PLCL1: variants seen among roughly 807,000 people sequenced by gnomAD.
The protein encoded by PLCL1 is inactive phospholipase C-like protein 1.
Under a neutral mutation model 84.4 loss-of-function variants are expected in PLCL1, and 41 were observed. That is an observed-to-expected ratio of 0.49 (90% CI 0.38 to 0.63). PLCL1 has a LOEUF of 0.63. Among genes scored for constraint, PLCL1 ranks in the 30% least tolerant of loss-of-function variants. The pLI, the probability that PLCL1 is intolerant of heterozygous loss-of-function variation, is 0.00. For missense variants in PLCL1, 1,206 were observed against 1,367.8 expected, an observed-to-expected ratio of 0.88 and a Z score of 1.87; for synonymous variants, 490 against 488.3, an observed-to-expected ratio of 1.00 and a Z score of -0.05.
At position 197,924,186 on chromosome 2, in the gene PLCL1, G is replaced by T. The variant is rs1307091489; in HGVS notation, c.240+118847G>T. 2.7e-5 allele frequency among the ~76,000 whole-genome samples: 4 copies of T among 146,034 alleles called. No individual in the cohort carries two copies. The South Asian group carries it at 8.7e-4, about 32-fold the overall frequency. ...GGGAGAGGGAGAGGGAGAGGGAGAG[G>T]CCCCCTTACATTTTTGCACGCAAGG... On this transcript the variant is annotated intron_variant, in intron 1 of 5. Coordinates refer to ENST00000428675, the MANE Select transcript of PLCL1 (RefSeq NM_006226.4).
intron 1 of PLCL1, among the ~76,000 whole-genome samples, chr2:197,925,654 G>A (rs184837702): frequency 2.6e-4 from 40 of 152,236 alleles, no homozygotes; most frequent in Middle Eastern, 3.4e-3. Flanking sequence ...ATTTACAAAA[G>A]CCTGAGGACA....
chr2:197,934,059 CA>C (rs1559049590), intron 1 of PLCL1, among the ~76,000 whole-genome samples: 1 of 152,124 alleles, frequency 6.6e-6, no homozygotes, highest in Non-Finnish European at 1.5e-5. Flanking sequence ...GCATCTCATC[CA>C]ATTAGAGTTT....
chr2:197,962,391 T>G (rs148759598), intron 1 of PLCL1, among the ~76,000 whole-genome samples: 60 of 152,236 alleles, frequency 3.9e-4, no homozygotes, highest in African/African-American at 1.4e-3. Context: ...CAACTCAGAG[T>G]TCTTCTGGAT....
intron 5 of PLCL1, among the ~76,000 whole-genome samples, chr2:198,133,293 G>A (rs1472049276): frequency 3.4e-5 from 5 of 147,106 alleles, no homozygotes; most frequent in African/African-American, 5.0e-5. Context: ...ACCAAACACC[G>A]CATATTCTCA....
At chr2:198,029,304 A>C (rs1226488376) in intron 1 of PLCL1, among the ~76,000 whole-genome samples, 2 of 152,194 alleles carry the variant, frequency 1.3e-5, no homozygotes, top group East Asian at 1.9e-4. Context: ...TGTTTGTTTT[A>C]TCAAACTTAG....
chr2:197,864,683 C>T (rs765181710), intron 1 of PLCL1, among the ~76,000 whole-genome samples: 3 of 151,832 alleles, frequency 2.0e-5, no homozygotes, highest in African/African-American at 4.8e-5. Flanking sequence ...CATGTTGCCC[C>T]GGCTGGCCTT....
intron 1 of PLCL1, among the ~76,000 whole-genome samples, chr2:197,868,185 G>C (rs1181058865): frequency 3.3e-5 from 5 of 152,120 alleles, no homozygotes; most frequent in African/African-American, 1.2e-4. Context: ...GCATATGCTT[G>C]CTTATGAATA....
At position 197,838,814 on chromosome 2, in the gene PLCL1, C is replaced by T. The variant is rs548390916; in HGVS notation, c.240+33475C>T. Among the ~76,000 whole-genome samples the T allele has an allele frequency of 4.6e-5, 7 of 152,312 alleles. No homozygotes were observed. The South Asian group carries it at 1.5e-3, about 32-fold the overall frequency. On this transcript the variant is annotated intron_variant, in intron 1 of 5. Coordinates refer to ENST00000428675, the MANE Select transcript of PLCL1 (RefSeq NM_006226.4). The stretch of plus-strand genomic sequence containing the variant: ...GTCAAGCCCATGAGCCAGAGCTGGT[C>T]ACCATCCTGACCCACAGTAGAATCA...
chr2:197,827,403 T>G (rs1371335720), intron 1 of PLCL1, among the ~76,000 whole-genome samples: 1 of 152,134 alleles, frequency 6.6e-6, no homozygotes, highest in African/African-American at 2.4e-5. Flanking sequence ...CATAGTGCCC[T>G]GCTCATAGTT....
chr2:197,805,111 C>A lies in PLCL1; in HGVS notation c.12C>A (p.Gly4=). Residue 4 remains glycine, a synonymous_variant, in exon 1 of 6, where the codon GGC becomes GGA. Coordinates refer to ENST00000428675, the MANE Select transcript of PLCL1 (RefSeq NM_006226.4). This position sits in a 1 kb window ranked among gnomAD's most constrained non-coding sequence, Gnocchi z 4.0. ...AAACGCTCCAGGCCATGGCCGAGGG[C>A]GCGGCCGGCAGGGAGGATCCGGCGC... The part of the protein sequence containing the change: MAE[G]AAGREDPAPP... 5 of 1,334,274 alleles carry A rather than the reference C, an allele frequency of 3.7e-6. No homozygotes were observed. The highest frequency in any genetic ancestry group is 3.8e-6 in the Non-Finnish European group (4 of 1,047,316). 82.7% of individuals were successfully genotyped at this position (1,334,274 alleles called of 1,614,324 possible).
chr2:197,919,258 A>G (rs1688660731), intron 1 of PLCL1, among the ~76,000 whole-genome samples: 1 of 152,184 alleles, frequency 6.6e-6, no homozygotes, highest in Non-Finnish European at 1.5e-5. Context: ...ATTGTTTTGT[A>G]TTGCAATCGG....
chr2:197,827,177 A>G (rs917356349), intron 1 of PLCL1, among the ~76,000 whole-genome samples: 3 of 152,144 alleles, frequency 2.0e-5, no homozygotes, highest in African/African-American at 7.2e-5. Flanking sequence ...ATCCAACTGC[A>G]TCATTTTCTT....
chr2:198,071,291 G>A (rs960961177), intron 1 of PLCL1, among the ~76,000 whole-genome samples: 3 of 151,876 alleles, frequency 2.0e-5, no homozygotes, highest in African/African-American at 7.2e-5. Context: ...CAGCAGCATG[G>A]CAGTGAACCA....
chr2:197,841,771 G>A (rs1687007863), intron 1 of PLCL1, among the ~76,000 whole-genome samples: 1 of 152,178 alleles, frequency 6.6e-6, no homozygotes, highest in African/African-American at 2.4e-5. Flanking sequence ...GACATGTTTA[G>A]TTTTGTAAGA....
At chr2:197,877,108 A>T (rs934174069) in intron 1 of PLCL1, among the ~76,000 whole-genome samples, 1 of 152,300 alleles carries the variant, frequency 6.6e-6, no homozygotes, top group African/African-American at 2.4e-5. Flanking sequence ...ACAGAAAGAG[A>T]ATGTAATAAC....
chr2:198,110,958 C>T (rs1026881306), intron 5 of PLCL1, among the ~76,000 whole-genome samples: 5 of 151,696 alleles, frequency 3.3e-5, no homozygotes, highest in African/African-American at 1.2e-4. Context: ...CAAACAACAA[C>T]AATAATGCAT....
intron 1 of PLCL1, among the ~76,000 whole-genome samples, chr2:197,919,520 T>C (rs1294721898): frequency 3.3e-5 from 5 of 152,226 alleles, no homozygotes; most frequent in Non-Finnish European, 5.9e-5. Context: ...CCCCCACTCA[T>C]TGACTTCCTT....
chr2:197,850,613 A>G (rs1265497285), intron 1 of PLCL1, among the ~76,000 whole-genome samples: 1 of 152,174 alleles, frequency 6.6e-6, no homozygotes, highest in Non-Finnish European at 1.5e-5. Flanking sequence ...TATACATATC[A>G]GGAGAGTTAC....
At chr2:197,962,475 G>T (rs1263112237) in intron 1 of PLCL1, among the ~76,000 whole-genome samples, 1 of 152,056 alleles carries the variant, frequency 6.6e-6, no homozygotes, top group South Asian at 2.1e-4. Flanking sequence ...TGGGTACACA[G>T]TAGGTATATA....
Sources: allele counts gnomAD v4.1 joint callset (sites outside exome capture counted in the v4.1 genomes callset), GRCh38; gene constraint gnomAD v4.1.1; non-coding constraint Gnocchi (gnomAD v3.1); transcripts MANE v1.5; gene names NCBI Gene and HGNC (gene_info 2026-07-23, HGNC 2026-07-21).